The following MAPKAPK5 variants were observed in gnomAD, a reference collection of about 807,000 sequenced individuals.
MAPKAPK5 encodes MAPK activated protein kinase 5.
Under a neutral mutation model 65.1 loss-of-function variants are expected in MAPKAPK5, and 30 were observed. That is an observed-to-expected ratio of 0.46 (90% CI 0.34 to 0.63). The LOEUF (loss-of-function observed/expected upper bound fraction) is 0.63, where lower values mean the gene tolerates loss of function less well. MAPKAPK5 is among the 20% of genes least tolerant of loss of function. The pLI is 0.01. For missense variants in MAPKAPK5, 433 were observed against 581.4 expected, an observed-to-expected ratio of 0.74 and a Z score of 2.63; for synonymous variants, 179 against 204.6, an observed-to-expected ratio of 0.87 and a Z score of 1.07.
At chr12:111,853,658 C>T (rs2069153552) in intron 1 of MAPKAPK5, among the ~76,000 whole-genome samples, 9 of 152,122 alleles carry the variant, frequency 5.9e-5, no homozygotes, top group Admixed American at 4.6e-4. Context: ...TCTCAGCCTC[C>T]TGAGTAGCTG....
chr12:111,890,758 A>G (rs1179105432), intron 13 of MAPKAPK5, among the ~76,000 whole-genome samples: 1 of 152,122 alleles, frequency 6.6e-6, no homozygotes, highest in East Asian at 1.9e-4. Flanking sequence ...TCCGGGTTCA[A>G]GTGATTCTCC....
intron 8 of MAPKAPK5, among the ~76,000 whole-genome samples, chr12:111,882,374 G>A (rs1385006304): frequency 2.7e-5 from 4 of 145,544 alleles, no homozygotes; most frequent in South Asian, 2.2e-4. Flanking sequence ...GTGAGACTCC[G>A]TCTCAAAAAA....
intron 7 of MAPKAPK5, among the ~76,000 whole-genome samples, chr12:111,878,408 A>ATTAT (rs200069361): frequency 0.062 from 9,381 of 150,230 alleles, 379 homozygotes; most frequent in Middle Eastern, 0.12. Context: ...CTATTTATTT[A>ATTAT]TTATTTATTT....
chr12:111,846,500 C>A (rs28562298), intron 1 of MAPKAPK5, among the ~76,000 whole-genome samples: 1 of 107,112 alleles, frequency 9.3e-6, no homozygotes, highest in Non-Finnish European at 2.0e-5. Flanking sequence ...GTTTCTTTTT[C>A]TTTTTTTTTT....
At chr12:111,888,330 G>A in intron 10 of MAPKAPK5, 158 bp from the exon 11 acceptor site, 9 of 992,696 alleles carry the variant, frequency 9.1e-6, no homozygotes, top group Non-Finnish European at 1.3e-5. Context: ...TGATCCATGG[G>A]GAAAAGTCCT....
chr12:111,889,048 G>T (rs2070512965), intron 12 of MAPKAPK5, 48 bp downstream of exon 12: 1 of 1,542,104 alleles, frequency 6.5e-7, no homozygotes, highest in Non-Finnish European at 8.8e-7. Flanking sequence ...GTGAGTGTGT[G>T]TGTGCAGGGG....
At position 111,893,571 on chromosome 12, in the gene MAPKAPK5, T is replaced by C. The variant is rs1427198510; in HGVS notation, c.*510T>C. ...GAGCTTGGGGAGCCAACTTCCATGA[T>C]GGAAGAAGAGGGAGGTGAGCCCTCA... On this transcript the variant is annotated 3_prime_UTR_variant, in exon 14 of 14. Transcript: ENST00000550735. 1 of 152,376 alleles carries C rather than the reference T, an allele frequency of 6.6e-6. No individual in the cohort carries two copies. The allele number at this position is 152,376 out of a possible 1,614,324, so 9.4% of individuals were successfully genotyped here. A position where few individuals can be genotyped will look rare whatever the true frequency, so the allele number is the denominator to read the frequency against.
In MAPKAPK5 at chr12:111,899,344, T is replaced by TA. The variant is rs933785514; in HGVS notation, c.*6286dup. 1.3e-5 allele frequency: 2 copies of TA among 153,410 alleles called. No homozygotes were observed. Among genetic ancestry groups the TA allele is most frequent in the Non-Finnish European group, 2.9e-5 (2 of 68,912 alleles). 9.5% of individuals were successfully genotyped at this position (153,410 alleles called of 1,614,324 possible). On this transcript the variant is annotated 3_prime_UTR_variant, in exon 14 of 14. Coordinates refer to ENST00000550735, the MANE Select transcript of MAPKAPK5 (RefSeq NM_003668.4). ...CAAGTGGCCTTGGAAGAGGCTAAGA[T>TA]AAAGTTTCAAACTTGGGCTCCACAG...
At chr12:111,872,012 C>T (rs1448317743) in intron 7 of MAPKAPK5, among the ~76,000 whole-genome samples, 4 of 152,052 alleles carry the variant, frequency 2.6e-5, no homozygotes, top group East Asian at 1.9e-4. Flanking sequence ...ATTTATCACT[C>T]GTTAATTCCT....
At chr12:111,854,347 T>C (rs971774978) in intron 1 of MAPKAPK5, among the ~76,000 whole-genome samples, 2 of 152,032 alleles carry the variant, frequency 1.3e-5, no homozygotes, top group African/African-American at 4.8e-5. Context: ...GTTCAACTGA[T>C]TATTTTGTCT....
At chr12:111,878,609 C>T (rs963019795) in intron 7 of MAPKAPK5, among the ~76,000 whole-genome samples, 63 of 151,900 alleles carry the variant, frequency 4.1e-4, no homozygotes, top group Admixed American at 1.4e-3. Context: ...TTAGTAGAGA[C>T]GGGGTTTCAC....
At chr12:111,866,112 C>A in intron 2 of MAPKAPK5, 44 bp from the exon 3 acceptor site, 2 of 1,400,402 alleles carry the variant, frequency 1.4e-6, no homozygotes, top group South Asian at 1.3e-5. Flanking sequence ...AATTTTCATT[C>A]TAACATATAT....
rs990399528 is a variant in MAPKAPK5, at chr12:111,842,313, G to C, written c.-421G>C. 3.2e-5 allele frequency: 5 copies of C among 155,858 alleles called. No homozygotes were observed. The highest frequency in any genetic ancestry group is 1.2e-4 in the African/African-American group (5 of 41,634). The allele number at this position is 155,858 out of a possible 1,614,324, so 9.7% of individuals were successfully genotyped here. On this transcript the variant is annotated 5_prime_UTR_variant, in exon 1 of 14. Coordinates refer to ENST00000550735, the MANE Select transcript of MAPKAPK5 (RefSeq NM_003668.4). ...GCTTCGGCTTCGGCTTCGCGGCGGTGCAGGCGGCGGAGGCGGAGGCGCAGG... is the reference window on the plus strand; with the variant it reads ...GCTTCGGCTTCGGCTTCGCGGCGGTCCAGGCGGCGGAGGCGGAGGCGCAGG...
chr12:111,860,557 C>G (rs1469183278), intron 1 of MAPKAPK5, among the ~76,000 whole-genome samples: 4 of 152,154 alleles, frequency 2.6e-5, no homozygotes, highest in African/African-American at 7.2e-5. Context: ...GAGTCCACCC[C>G]CTAGAGCAGC....
At position 111,842,645 on chromosome 12, in the gene MAPKAPK5, G is replaced by A. The variant is rs1383588122; in HGVS notation, c.-89G>A. 3 of 982,054 alleles carry A rather than the reference G, an allele frequency of 3.1e-6. No homozygotes were observed. The highest frequency in any genetic ancestry group is 3.2e-5 in the East Asian group (1 of 30,790). 60.8% of individuals were successfully genotyped at this position (982,054 alleles called of 1,614,324 possible). A position where few individuals can be genotyped will look rare whatever the true frequency, so the allele number is the denominator to read the frequency against. On this transcript the variant is annotated 5_prime_UTR_variant, in exon 1 of 14. Transcript: ENST00000550735. ...CCGTCGCCACGAGGCCCAGGGGCCC[G>A]AGTGCCGAGCCCTTTGCTCCCTCGG...
intron 1 of MAPKAPK5, among the ~76,000 whole-genome samples, chr12:111,848,139 A>G (rs796208988): frequency 5.3e-5 from 8 of 152,324 alleles, no homozygotes; most frequent in African/African-American, 1.9e-4. Flanking sequence ...TTTATGTTTA[A>G]CTTTTTAAGA....
intron 8 of MAPKAPK5, among the ~76,000 whole-genome samples, chr12:111,882,338 C>T (rs2070262316): frequency 6.6e-6 from 1 of 152,174 alleles, no homozygotes; most frequent in Admixed American, 6.5e-5. Context: ...TGAGATCGCG[C>T]CACTGCACTC....
At chr12:111,890,218 T>C in intron 13 of MAPKAPK5, 74 bp downstream of exon 13, 1 of 1,145,808 alleles carries the variant, frequency 8.7e-7, no homozygotes, top group Non-Finnish European at 1.3e-6. Flanking sequence ...AGGATCTCTT[T>C]GGGGCCTGAG....
In MAPKAPK5 at chr12:111,897,763, T is replaced by C. The variant is rs564090870; in HGVS notation, c.*4702T>C. The C allele has an allele frequency of 1.3e-5, 2 of 152,296 alleles. No homozygotes were observed. Among genetic ancestry groups the C allele is most frequent in the East Asian group, 3.9e-4 (2 of 5,188 alleles). 9.4% of individuals were successfully genotyped at this position (152,296 alleles called of 1,614,324 possible). On this transcript the variant is annotated 3_prime_UTR_variant, in exon 14 of 14. Coordinates refer to ENST00000550735, the MANE Select transcript of MAPKAPK5 (RefSeq NM_003668.4). Reference sequence around the variant, plus strand: ...TTAGGAATTAAATATTTAATAGGAATAGTGAATAAATTGATCTGCTCTCAT... The same window carrying C: ...TTAGGAATTAAATATTTAATAGGAACAGTGAATAAATTGATCTGCTCTCAT...
Sources: allele counts gnomAD v4.1 joint callset (sites outside exome capture counted in the v4.1 genomes callset), GRCh38; gene constraint gnomAD v4.1.1; transcripts MANE v1.5; gene names NCBI Gene and HGNC (gene_info 2026-07-23, HGNC 2026-07-21).